ROBO2: variants seen among roughly 807,000 people sequenced by gnomAD.
ROBO2 encodes the protein roundabout homolog 2.
Under a neutral mutation model 160.8 loss-of-function variants are expected in ROBO2, and 53 were observed. The observed-to-expected ratio is 0.33, with a 90% CI of 0.26 to 0.41. The LOEUF (loss-of-function observed/expected upper bound fraction) is 0.41, where lower values mean the gene tolerates loss of function less well. Ranked by LOEUF, ROBO2 falls within the 10% of genes least tolerant of loss-of-function variation. The pLI, the probability that ROBO2 is intolerant of heterozygous loss-of-function variation, is 1.00. For missense variants in ROBO2, 1,577 were observed against 1,722.4 expected, an observed-to-expected ratio of 0.92 and a Z score of 1.49; for synonymous variants, 664 against 611.7, an observed-to-expected ratio of 1.09 and a Z score of -1.26.
chr3:76,610,063 T>A (rs2087967793), intron 2 of ROBO2, among the ~76,000 whole-genome samples: 3 of 152,192 alleles, frequency 2.0e-5, no homozygotes, highest in South Asian at 4.1e-4. Flanking sequence ...TCCCGCTTGG[T>A]CATGATGAAA....
chr3:77,462,612 A>C (rs186764325), intron 2 of ROBO2, among the ~76,000 whole-genome samples: 98 of 152,336 alleles, frequency 6.4e-4, no homozygotes, highest in Non-Finnish European at 1.1e-3. Context: ...TATAATTTGA[A>C]AACACTCCGT....
intron 6 of ROBO2, among the ~76,000 whole-genome samples, chr3:77,541,792 T>A (rs2092472978): frequency 6.6e-6 from 1 of 152,232 alleles, no homozygotes; most frequent in Non-Finnish European, 1.5e-5. Flanking sequence ...TTAGACAGAA[T>A]ATAAGTATAT....
intron 21 of ROBO2, among the ~76,000 whole-genome samples, chr3:77,615,179 T>A (rs2094743868): frequency 6.6e-6 from 1 of 152,202 alleles, no homozygotes; most frequent in Non-Finnish European, 1.5e-5. Flanking sequence ...ATTAAGAGTT[T>A]TTTTTTAAAT....
intron 2 of ROBO2, among the ~76,000 whole-genome samples, chr3:76,555,413 A>AGGG (rs2083700015): frequency 1.5e-5 from 1 of 68,824 alleles, no homozygotes; most frequent in African/African-American, 3.0e-5. Context: ...AAGAAGAAGA[A>AGGG]GAAGAAAGAA....
chr3:77,199,937 A>G (rs1416833999), intron 2 of ROBO2, among the ~76,000 whole-genome samples: 1 of 129,144 alleles, frequency 7.7e-6, no homozygotes, highest in East Asian at 2.1e-4. Context: ...CTAATTAGTT[A>G]TTCTTTATAT....
intron 2 of ROBO2, among the ~76,000 whole-genome samples, chr3:75,952,860 T>G (rs1948597967): frequency 6.6e-6 from 1 of 151,948 alleles, no homozygotes; most frequent in Non-Finnish European, 1.5e-5. Context: ...TGGTTTTGCT[T>G]TTTCCAGAAG....
intron 23 of ROBO2, among the ~76,000 whole-genome samples, chr3:77,626,057 T>A (rs528378564): frequency 6.6e-6 from 1 of 152,254 alleles, no homozygotes; most frequent in East Asian, 1.9e-4. Context: ...ATTATCATGA[T>A]CCCTGCTCTG....
At chr3:77,034,244 A>AT (rs1410335158) in intron 2 of ROBO2, among the ~76,000 whole-genome samples, 2 of 151,584 alleles carry the variant, frequency 1.3e-5, no homozygotes, top group Admixed American at 1.3e-4. Flanking sequence ...GGCCAGGGAG[A>AT]TTTTTTTCAT....
intron 2 of ROBO2, among the ~76,000 whole-genome samples, chr3:76,477,578 A>G (rs1415691268): frequency 3.3e-5 from 5 of 152,144 alleles, no homozygotes; most frequent in Admixed American, 2.6e-4. Flanking sequence ...TTCTCTGACA[A>G]GTTAACTCAA....
chr3:76,968,466 T>C (rs1286699983), intron 2 of ROBO2, among the ~76,000 whole-genome samples: 2 of 152,178 alleles, frequency 1.3e-5, no homozygotes, highest in Non-Finnish European at 2.9e-5. Context: ...TTTACATTAA[T>C]ATAACATGCA....
chr3:76,651,414 C>T (rs1189593863), intron 2 of ROBO2, among the ~76,000 whole-genome samples: 1 of 152,070 alleles, frequency 6.6e-6, no homozygotes, highest in African/African-American at 2.4e-5. Context: ...AGTGCAAGGA[C>T]TCTGTCTTAT....
At chr3:77,268,016 A>G (rs1399915618) in intron 2 of ROBO2, among the ~76,000 whole-genome samples, 1 of 152,220 alleles carries the variant, frequency 6.6e-6, no homozygotes, top group Non-Finnish European at 1.5e-5. Context: ...CTAGAATAGA[A>G]AGCAAATTGT....
chr3:77,570,048 T>C (rs2093599153), intron 13 of ROBO2, among the ~76,000 whole-genome samples: 1 of 151,964 alleles, frequency 6.6e-6, no homozygotes, highest in Non-Finnish European at 1.5e-5. Context: ...CCATGCCTTT[T>C]CTATCTTTCA....
intron 2 of ROBO2, among the ~76,000 whole-genome samples, chr3:76,374,297 A>C (rs980704217): frequency 9.2e-5 from 14 of 152,034 alleles, no homozygotes; most frequent in African/African-American, 3.1e-4. Context: ...TGACATTAGC[A>C]ACATCGTTAA....
chr3:77,048,572 G>A (rs2064918700), intron 1 of ROBO2, among the ~76,000 whole-genome samples: 2 of 152,202 alleles, frequency 1.3e-5, no homozygotes, highest in Middle Eastern at 3.2e-3. Flanking sequence ...ATAACGTACT[G>A]TGGAGATAAA....
intron 6 of ROBO2, chr3:77,527,405 C>T (rs934854702): frequency 2.5e-5 from 32 of 1,287,852 alleles, no homozygotes; most frequent in Non-Finnish European, 2.9e-5. Context: ...GTCTACAGCT[C>T]GCCCTGTTGG....
In ROBO2 at chr3:77,022,049, T is replaced by C. The variant is rs147716205; in HGVS notation, c.110-75965T>C. Among the ~76,000 whole-genome samples the C allele has an allele frequency of 5.6e-3, 855 of 152,268 alleles. 5 individuals are homozygous for C. Among genetic ancestry groups the C allele is most frequent in the African/African-American group, 0.02 (825 of 41,544 alleles). On this transcript the variant is annotated intron_variant, in intron 2 of 26. Transcript: ENST00000487694. ...TGAGCTCAAGAGTTCAAGACCAGCC[T>C]GGGCAAAATAATGAAACCTCACCTC...
chr3:76,242,551 C>T (rs1166445050), intron 2 of ROBO2, among the ~76,000 whole-genome samples: 1 of 152,106 alleles, frequency 6.6e-6, no homozygotes, highest in East Asian at 1.9e-4. Context: ...CATGTCCCTT[C>T]TCCTGAAAGC....
At chr3:77,502,136 T>A (rs2087707462) in intron 5 of ROBO2, among the ~76,000 whole-genome samples, 1 of 152,174 alleles carries the variant, frequency 6.6e-6, no homozygotes, top group African/African-American at 2.4e-5. Context: ...CATCACTGAC[T>A]ATGGGACCTA....
Sources: allele counts gnomAD v4.1 joint callset (sites outside exome capture counted in the v4.1 genomes callset), GRCh38; gene constraint gnomAD v4.1.1; transcripts MANE v1.5; gene names NCBI Gene and HGNC (gene_info 2026-07-23, HGNC 2026-07-21).